The following TANC2 variants were observed in gnomAD, a reference collection of about 807,000 sequenced individuals.
TANC2 encodes the protein protein TANC2.
Under a neutral mutation model 210.5 loss-of-function variants are expected in TANC2, and 26 were observed. The ratio of observed to expected loss-of-function variants is 0.12; its 90% CI spans 0.09 to 0.17. TANC2 has a LOEUF of 0.17. Among genes scored for constraint, TANC2 ranks in the 10% least tolerant of loss-of-function variants. The probability of loss-of-function intolerance (pLI) is 1.00; values close to 1 mark genes in which losing one functional copy is unlikely to be tolerated. For missense variants in TANC2, 2,129 were observed against 2,608.9 expected (o/e 0.82, Z 4.01); for synonymous variants, 931 against 967.1 (o/e 0.96, Z 0.69).
chr17:62,978,178 A>G (rs2032118437), intron 1 of TANC2, among the ~76,000 whole-genome samples: 1 of 152,218 alleles, frequency 6.6e-6, no homozygotes, highest in African/African-American at 2.4e-5. Context: ...CATTTGAAAT[A>G]AAGTATTAGC....
intron 6 of TANC2, among the ~76,000 whole-genome samples, chr17:63,199,661 A>G (rs569003297): frequency 2.0e-5 from 3 of 152,294 alleles, no homozygotes; most frequent in Admixed American, 1.3e-4. Flanking sequence ...GTTTGAAAAA[A>G]TATACTTTTA....
Position 63,420,460 on chromosome 17 carries a change from A to C in TANC2, c.4730A>C (p.His1577Pro). 2 of 1,613,836 alleles carry C rather than the reference A, an allele frequency of 1.2e-6. No individual in the cohort carries two copies. Among genetic ancestry groups the C allele is most frequent in the Non-Finnish European group, 1.7e-6 (2 of 1,179,848 alleles). ...ACCTCACCTGCCCTTTCTCCAACTCATCAGAACTCACATTACAGGCCTAGC... is the reference window on the plus strand; with the variant it reads ...ACCTCACCTGCCCTTTCTCCAACTCCTCAGAACTCACATTACAGGCCTAGC... The change falls in exon 28 of 28, where the codon CAT (histidine) becomes CCT (proline). Residue 1577 changes from histidine (H) to proline (P), a missense_variant. His to Pro is a moderately conservative substitution (Grantham distance 77). Around this residue, in one of 5 missense-constraint regions of TANC2, gnomAD observed 584 missense variants for 627.3 expected, o/e 0.93. Coordinates refer to ENST00000689528, the Ensembl canonical transcript of TANC2. This position sits in a 1 kb window ranked among gnomAD's most constrained non-coding sequence, Gnocchi z 4.2.
At chr17:63,351,325 A>G (rs1269945617) in exon 13 of TANC2, 2 of 1,611,218 alleles carry the variant, frequency 1.2e-6, no homozygotes, top group Non-Finnish European at 1.7e-6. Flanking sequence ...AAACCGGATT[A>G]TGGGGATACA....
At chr17:63,275,218 CTTCA>C (rs1278650474) in intron 9 of TANC2, among the ~76,000 whole-genome samples, 1 of 152,066 alleles carries the variant, frequency 6.6e-6, no homozygotes, top group Non-Finnish European at 1.5e-5. Flanking sequence ...CTAATTAAAA[CTTCA>C]TTTCTCAATA....
chr17:63,169,372 C>T (rs904344206), intron 5 of TANC2, among the ~76,000 whole-genome samples: 3 of 151,860 alleles, frequency 2.0e-5, no homozygotes, highest in Admixed American at 1.3e-4. Context: ...ATGATTTTTT[C>T]TCTCTCTCTC....
At chr17:63,193,799 T>G (rs2041258335) in intron 5 of TANC2, 192 bp from the exon 6 acceptor site, 1 of 526,002 alleles carries the variant, frequency 1.9e-6, no homozygotes, top group Admixed American at 4.2e-5. Context: ...TTTTATTTGA[T>G]TCGTGTAAAT....
intron 17 of TANC2, chr17:63,391,363 A>T (rs2047967411): frequency 6.6e-6 from 1 of 152,178 alleles, no homozygotes; most frequent in African/African-American, 2.4e-5. Context: ...CATTAAAATG[A>T]TAAGCTTTAG....
At chr17:63,122,107 T>A (rs1308410463) in intron 4 of TANC2, among the ~76,000 whole-genome samples, 1 of 152,092 alleles carries the variant, frequency 6.6e-6, no homozygotes, top group Non-Finnish European at 1.5e-5. Context: ...TGAATAGTGG[T>A]TTGAAGTTGA....
intron 3 of TANC2, among the ~76,000 whole-genome samples, chr17:63,097,102 G>C (rs2037416349): frequency 6.6e-6 from 1 of 151,414 alleles, no homozygotes; most frequent in Non-Finnish European, 1.5e-5. Context: ...GTGCAGTGGT[G>C]TGATCATGGC....
rs7210425 is a variant in TANC2 at position 63,334,496 on chromosome 17, T to G, written c.1576-5605T>G. 4.1e-3 allele frequency among the ~76,000 whole-genome samples: 624 copies of G among 152,324 alleles called. 4 individuals are homozygous for G. Among genetic ancestry groups the G allele is most frequent in the African/African-American group, 0.014 (590 of 41,586 alleles). On this transcript the variant is annotated intron_variant, in intron 11 of 27. Coordinates refer to ENST00000689528, the Ensembl canonical transcript of TANC2. ...ATGGGAGATAAGGGAGAACTCTTTC[T>G]TCCAATAGGATTCTAATTAATAAAT...
intron 7 of TANC2, among the ~76,000 whole-genome samples, chr17:63,226,933 C>T (rs1018075210): frequency 2.0e-5 from 3 of 152,144 alleles, no homozygotes; most frequent in Admixed American, 6.5e-5. Flanking sequence ...GACATGATGT[C>T]ATTCCTTTTT....
At chr17:63,221,402 C>T (rs1379354280) in intron 7 of TANC2, among the ~76,000 whole-genome samples, 2 of 145,242 alleles carry the variant, frequency 1.4e-5, no homozygotes, top group African/African-American at 5.1e-5. Flanking sequence ...AAGATCATGC[C>T]ACTGCACTCT....
intron 8 of TANC2, among the ~76,000 whole-genome samples, chr17:63,262,477 A>C (rs2043393869): frequency 6.6e-6 from 1 of 152,206 alleles, no homozygotes; most frequent in Admixed American, 6.5e-5. Context: ...GGCGCAAGCC[A>C]CCGCACCCAG....
intron 4 of TANC2, among the ~76,000 whole-genome samples, chr17:63,121,771 A>T (rs2038488846): frequency 6.6e-6 from 1 of 152,154 alleles, no homozygotes; most frequent in African/African-American, 2.4e-5. Context: ...CATGCTACTT[A>T]GATCATCGGG....
intron 8 of TANC2, among the ~76,000 whole-genome samples, chr17:63,262,922 T>G (rs1056293225): frequency 2.6e-5 from 4 of 152,202 alleles, no homozygotes; most frequent in African/African-American, 9.6e-5. Flanking sequence ...TAAAGATTTT[T>G]TTTAATACTT....
Position 63,386,028 on chromosome 17 carries a change from T to C in TANC2, c.2692-2607T>C, listed in dbSNP as rs561850517. On this transcript the variant is annotated intron_variant, in intron 15 of 27. Transcript: ENST00000689528. ...TTTTATCAAGCTGTGGATTTTTTGT[T>C]GAGAATGTATAAACACTTGCAGCCA... Among the ~76,000 whole-genome samples, 13 of 152,310 alleles carry C rather than the reference T, an allele frequency of 8.5e-5. No individual in the cohort carries two copies. In the East Asian group the frequency reaches 2.1e-3, roughly 25 times the overall value.
chr17:63,060,359 G>T (rs1362526131), intron 2 of TANC2, among the ~76,000 whole-genome samples: 7 of 152,170 alleles, frequency 4.6e-5, no homozygotes, highest in Non-Finnish European at 8.8e-5. Flanking sequence ...GGTGGCCCAC[G>T]CCTGTAATCC....
intron 2 of TANC2, among the ~76,000 whole-genome samples, chr17:63,066,928 T>C (rs1390269324): frequency 6.6e-6 from 1 of 152,110 alleles, no homozygotes; most frequent in East Asian, 1.9e-4. Flanking sequence ...CATTAAGTTT[T>C]TATGAGCTCC....
chr17:63,349,824 T>A (rs1343823794), intron 12 of TANC2, among the ~76,000 whole-genome samples: 1 of 152,128 alleles, frequency 6.6e-6, no homozygotes, highest in Non-Finnish European at 1.5e-5. Context: ...TTTGGGTAAA[T>A]CCCAGTTAGT....
Sources: gnomAD v4.1 joint callset for allele counts (sites outside exome capture counted in the v4.1 genomes callset) on GRCh38, gnomAD v4.1.1 for gene constraint, gnomAD v4.1.1 regional missense constraint, Gnocchi (gnomAD v3.1) non-coding constraint, MANE v1.5 for transcripts, NCBI Gene and HGNC (gene_info 2026-07-23, HGNC 2026-07-21) for gene names.